Variants in CTBP1 observed in about 807,000 individuals in gnomAD.
The protein encoded by CTBP1 is C-terminal-binding protein 1.
CTBP1 carries 11 observed loss-of-function variants against 42.1 expected under a neutral mutation model. That is an observed-to-expected ratio of 0.26 (90% confidence interval 0.16 to 0.43). CTBP1 has a LOEUF of 0.43. Ranked by LOEUF, CTBP1 falls within the 20% of genes least tolerant of loss-of-function variation. CTBP1 has a pLI of 1.00. For synonymous variants in CTBP1, 324 were observed against 277.1 expected, an observed-to-expected ratio of 1.17 and a Z score of -1.68; for missense variants, 399 against 624.3, an observed-to-expected ratio of 0.64 and a Z score of 3.85.
upstream of CTBP1, chr4:1,249,610 C>A: frequency 2.6e-6 from 1 of 381,956 alleles, no homozygotes; most frequent in Non-Finnish European, 5.2e-6. Flanking sequence ...GCACCGAGGC[C>A]GCGGGCCCCC....
In CTBP1 at chr4:1,244,966, C is replaced by A. The variant is rs988677720; in HGVS notation, c.-188-3447G>T. On this transcript the variant is annotated intron_variant, in intron 1 of 9. Coordinates refer to ENST00000382952, the MANE Select transcript of CTBP1 (RefSeq NM_001012614.2). The stretch of plus-strand genomic sequence containing the variant: ...CCGCCCAGAGAAAACTGAGGCCCTG[C>A]CCTGCAATGGCAGAGAAGGCAGGCC... 6 of 985,340 alleles carry A rather than the reference C, an allele frequency of 6.1e-6. No individual in the cohort carries two copies. The Admixed American group carries it at 1.8e-4, about 30-fold the overall frequency. 61.0% of individuals were successfully genotyped at this position (985,340 alleles called of 1,614,324 possible).
At chr4:1,248,781 G>A in intron 1 of CTBP1, 135 bp downstream of exon 1, 2 of 956,008 alleles carry the variant, frequency 2.1e-6, no homozygotes, top group Non-Finnish European at 2.5e-6. Flanking sequence ...GGACGCCGGC[G>A]CGCACGCGCA....
intron 2 of CTBP1, 119 bp downstream of exon 2, chr4:1,241,206 G>C (rs536391013): frequency 2.6e-6 from 2 of 769,260 alleles, no homozygotes; most frequent in South Asian, 2.7e-5. Flanking sequence ...GCAGCAGTCC[G>C]GCCCGACGCC....
At chr4:1,242,732 C>G in intron 1 of CTBP1, 1 of 985,434 alleles carries the variant, frequency 1.0e-6, no homozygotes, top group Non-Finnish European at 1.2e-6. Flanking sequence ...CCTGAGCCCC[C>G]ATGACCTGCG....
At chr4:1,229,528 G>A (rs1222081613) in intron 3 of CTBP1, among the ~76,000 whole-genome samples, 4 of 152,218 alleles carry the variant, frequency 2.6e-5, no homozygotes, top group African/African-American at 7.2e-5. Context: ...GATCAATGGC[G>A]CAGGCTCAGC....
chr4:1,229,041 G>A (rs760589245), intron 3 of CTBP1, among the ~76,000 whole-genome samples: 6 of 152,174 alleles, frequency 3.9e-5, no homozygotes, highest in Non-Finnish European at 8.8e-5. Flanking sequence ...AACAGCTCCC[G>A]CGAACAAAGA....
chr4:1,213,915 A>G (rs1728818728), intron 7 of CTBP1: 1 of 429,712 alleles, frequency 2.3e-6, no homozygotes, highest in Non-Finnish European at 4.1e-6. Flanking sequence ...TAGCCCCAGG[A>G]GCTGCAGGCT....
chr4:1,237,230 C>G (rs1292314436), intron 3 of CTBP1: 1 of 674,708 alleles, frequency 1.5e-6, no homozygotes, highest in African/African-American at 1.8e-5. Flanking sequence ...GAGTGTCCAC[C>G]TCCTGATGGG....
At chr4:1,242,589 G>T (rs778783946) in intron 1 of CTBP1, 77 of 985,340 alleles carry the variant, frequency 7.8e-5, no homozygotes, top group Non-Finnish European at 7.7e-5. Context: ...CATCACAGGG[G>T]CTGGGGTGCA....
chr4:1,241,713 T>C (rs1033972796), intron 1 of CTBP1, 194 bp from the exon 2 acceptor site: 1 of 1,220,044 alleles, frequency 8.2e-7, no homozygotes, highest in African/African-American at 1.6e-5. Context: ...CGAAGGGCGC[T>C]CACCCTGAGG....
At chr4:1,212,639 G>A in intron 9 of CTBP1, 1 of 609,540 alleles carries the variant, frequency 1.6e-6, no homozygotes, top group Non-Finnish European at 2.8e-6. Flanking sequence ...TTGAACATGA[G>A]GTCTTCGCCT....
intron 5 of CTBP1, 167 bp from the exon 6 acceptor site, chr4:1,216,372 C>G: frequency 1.5e-6 from 1 of 674,098 alleles, no homozygotes. Context: ...CACGAGCGCT[C>G]CACGTCCGCT....
At chr4:1,244,051 G>T (rs1732459573) in intron 1 of CTBP1, 1 of 985,328 alleles carries the variant, frequency 1.0e-6, no homozygotes, top group Non-Finnish European at 1.2e-6. Flanking sequence ...GGGGTGAGGT[G>T]AGGGGCAGCA....
At chr4:1,239,579 C>A (rs529387519) in intron 2 of CTBP1, among the ~76,000 whole-genome samples, 228 of 152,336 alleles carry the variant, frequency 1.5e-3, no homozygotes, top group African/African-American at 5.2e-3. Context: ...AGGGAAGTGC[C>A]TCCTGGAACC....
rs539685105 is a variant in CTBP1 at position 1,213,730 on chromosome 4, G to A, written c.861-125C>T. 8 of 1,251,092 alleles carry A rather than the reference G, an allele frequency of 6.4e-6. No homozygotes were observed. The East Asian group carries it at 1.6e-4, about 24-fold the overall frequency. The allele number at this position is 1,251,092 out of a possible 1,614,324, so 77.5% of individuals were successfully genotyped here. ...TGGGAACCACAGACCCCACGGCCCT[G>A]CTCTGCTCGGCAGGCTGGCTGAGCT... is the stretch of plus-strand genomic sequence containing the variant. On this transcript the variant is annotated intron_variant, in intron 7 of 9. Coordinates refer to ENST00000382952, the MANE Select transcript of CTBP1 (RefSeq NM_001012614.2).
intron 1 of CTBP1, chr4:1,245,629 G>C: frequency 2.0e-6 from 2 of 984,068 alleles, no homozygotes; most frequent in Non-Finnish European, 2.4e-6. Context: ...GGGCGGCATA[G>C]CAGAGTGGCA....
chr4:1,237,684 C>T, intron 3 of CTBP1: 1 of 640,786 alleles, frequency 1.6e-6, no homozygotes, highest in Non-Finnish European at 2.8e-6. Flanking sequence ...CCCGTGTCCA[C>T]CTCCTGATGG....
At chr4:1,213,385 A>G in intron 8 of CTBP1, 93 bp downstream of exon 8, 1 of 1,575,012 alleles carries the variant, frequency 6.3e-7, no homozygotes, top group Admixed American at 1.8e-5. Flanking sequence ...CTGGCAGAAC[A>G]TGGGCCTGGC....
At chr4:1,222,157 T>C (rs1481724473) in intron 5 of CTBP1, among the ~76,000 whole-genome samples, 1 of 152,048 alleles carries the variant, frequency 6.6e-6, no homozygotes, top group Non-Finnish European at 1.5e-5. Flanking sequence ...GCCTGGAGCA[T>C]GAGGCTCTTC....
Sources: allele counts gnomAD v4.1 joint callset (sites outside exome capture counted in the v4.1 genomes callset), GRCh38; gene constraint gnomAD v4.1.1; transcripts MANE v1.5; gene names NCBI Gene and HGNC (gene_info 2026-07-23, HGNC 2026-07-21).